PDE4D: variants seen among roughly 807,000 people sequenced by gnomAD.
The protein encoded by PDE4D is 3',5'-cyclic-AMP phosphodiesterase 4D.
In PDE4D, 24 loss-of-function variants were observed where a neutral mutation model predicts 87.4. That is an observed-to-expected ratio of 0.27 (90% confidence interval 0.20 to 0.39). PDE4D has a LOEUF of 0.39. Among genes scored for constraint, PDE4D ranks in the 10% least tolerant of loss-of-function variants. The probability of loss-of-function intolerance (pLI) is 1.00; values close to 1 mark genes in which losing one functional copy is unlikely to be tolerated. For missense variants in PDE4D, 714 were observed against 1,041.0 expected (o/e 0.69, Z 4.32); for synonymous variants, 384 against 383.2 (o/e 1.00, Z -0.02).
chr5:58,999,826 G>A, intron 6 of PDE4D: 1 of 991,680 alleles, frequency 1.0e-6, no homozygotes, highest in Non-Finnish European at 1.2e-6. Flanking sequence ...AAGATCTAAG[G>A]GTCTGCATCT....
At chr5:58,979,941 T>C (rs536744831) in intron 11 of PDE4D, among the ~76,000 whole-genome samples, 111 of 152,348 alleles carry the variant, frequency 7.3e-4, no homozygotes, top group African/African-American at 2.6e-3. Flanking sequence ...TGGCTTCCCC[T>C]AGGCACTTCA....
intron 2 of PDE4D, among the ~76,000 whole-genome samples, chr5:59,997,275 T>C (rs547260647): frequency 3.3e-5 from 5 of 152,288 alleles, no homozygotes; most frequent in Middle Eastern, 3.4e-3. Flanking sequence ...ACATTGTTTT[T>C]TTAGCAGCTA....
At chr5:59,762,683 T>A (rs1762266299) in intron 1 of PDE4D, among the ~76,000 whole-genome samples, 1 of 148,758 alleles carries the variant, frequency 6.7e-6, no homozygotes, top group Admixed American at 6.7e-5. Context: ...TGTATATGTG[T>A]ATATAGGTTC....
In PDE4D at chr5:59,612,232, G is replaced by GTTTTTTT. The variant is rs58203288; in HGVS notation, c.455+280929_455+280935dup. ...ATATTCTGATTCCTTGATTGACACT[G>GTTTTTTT]TTTTTTTTGTTTGTTTGTTTGTTTT... On this transcript the variant is annotated intron_variant, in intron 1 of 14. Transcript: ENST00000340635. Among the ~76,000 whole-genome samples the GTTTTTTT allele has an allele frequency of 2.5e-4, 13 of 52,814 alleles. No individual in the cohort carries two copies. The South Asian group carries it at 8.9e-3, about 36-fold the overall frequency. 34.6% of individuals were successfully genotyped at this position (52,814 alleles called of 152,430 possible). A position where few individuals can be genotyped will look rare whatever the true frequency, so the allele number is the denominator to read the frequency against.
At chr5:60,508,006 T>G (rs1750400146) in intron 1 of PDE4D, among the ~76,000 whole-genome samples, 1 of 152,190 alleles carries the variant, frequency 6.6e-6, no homozygotes, top group Non-Finnish European at 1.5e-5. Context: ...GGGAAAGGAT[T>G]CAGTTTCAGC....
chr5:59,630,909 C>T (rs932775856), intron 1 of PDE4D, among the ~76,000 whole-genome samples: 1 of 152,052 alleles, frequency 6.6e-6, no homozygotes, highest in African/African-American at 2.4e-5. Flanking sequence ...CTTAATATTC[C>T]TGACGCTCGG....
intron 1 of PDE4D, among the ~76,000 whole-genome samples, chr5:60,311,750 C>T (rs577632626): frequency 1.7e-4 from 26 of 152,212 alleles, no homozygotes; most frequent in African/African-American, 6.0e-4. Context: ...CTAAATGTCC[C>T]AATTAAAAGA....
intron 5 of PDE4D, among the ~76,000 whole-genome samples, chr5:59,109,954 G>C (rs1184241730): frequency 2.6e-5 from 4 of 152,294 alleles, no homozygotes; most frequent in East Asian, 3.9e-4. Context: ...CCCATGGAGA[G>C]AGGGAGCGCC....
At chr5:60,328,919 T>C (rs1346914359) in intron 1 of PDE4D, among the ~76,000 whole-genome samples, 2 of 152,210 alleles carry the variant, frequency 1.3e-5, no homozygotes, top group African/African-American at 4.8e-5. Flanking sequence ...GAAACATTCT[T>C]TGATGGGGAG....
chr5:60,330,052 A>T (rs1757181029), intron 1 of PDE4D, among the ~76,000 whole-genome samples: 1 of 151,978 alleles, frequency 6.6e-6, no homozygotes, highest in Non-Finnish European at 1.5e-5. Flanking sequence ...AAAAAAAGTC[A>T]CTCTGGGAGG....
chr5:60,112,985 C>T (rs77423082), intron 2 of PDE4D, among the ~76,000 whole-genome samples: 1,919 of 152,128 alleles, frequency 0.013, 49 homozygotes, highest in African/African-American at 0.044. Context: ...GGCATCCAAT[C>T]CAGGGAGATG....
intron 1 of PDE4D, among the ~76,000 whole-genome samples, chr5:59,397,448 A>G (rs1225873634): frequency 8.5e-6 from 1 of 117,122 alleles, no homozygotes; most frequent in Admixed American, 8.4e-5. Flanking sequence ...GCTCAACTAC[A>G]TGGAAACCGA....
intron 1 of PDE4D, among the ~76,000 whole-genome samples, chr5:60,401,531 C>T (rs1328296152): frequency 6.6e-6 from 1 of 152,170 alleles, no homozygotes; most frequent in Non-Finnish European, 1.5e-5. Context: ...CACGGCAAGC[C>T]CACGGGGCAG....
At chr5:60,005,541 GATTA>G (rs990060543) in intron 2 of PDE4D, among the ~76,000 whole-genome samples, 1 of 151,834 alleles carries the variant, frequency 6.6e-6, no homozygotes, top group African/African-American at 2.4e-5. Context: ...TGGATGCATT[GATTA>G]ATTTATTGTG....
At chr5:60,475,869 G>A (rs532358709) in intron 1 of PDE4D, among the ~76,000 whole-genome samples, 12 of 147,776 alleles carry the variant, frequency 8.1e-5, no homozygotes, top group South Asian at 2.2e-4. Context: ...ATCACATAGC[G>A]TTGCAGGGAA....
intron 5 of PDE4D, among the ~76,000 whole-genome samples, chr5:59,055,007 T>C (rs1378052513): frequency 2.6e-5 from 4 of 152,192 alleles, no homozygotes; most frequent in African/African-American, 7.2e-5. Context: ...TTCTCCATAA[T>C]GTGTGAGTTT....
chr5:59,651,571 C>T (rs928870269), intron 1 of PDE4D, among the ~76,000 whole-genome samples: 4 of 151,688 alleles, frequency 2.6e-5, no homozygotes, highest in Non-Finnish European at 5.9e-5. Flanking sequence ...GAAACTTTTC[C>T]GTGGAAAATA....
intron 1 of PDE4D, among the ~76,000 whole-genome samples, chr5:59,501,742 G>A (rs1808328164): frequency 2.6e-5 from 4 of 152,142 alleles, no homozygotes; most frequent in Admixed American, 2.6e-4. Flanking sequence ...GTGACTGATT[G>A]GAGACACTAC....
intron 1 of PDE4D, among the ~76,000 whole-genome samples, chr5:60,310,283 G>T (rs980547295): frequency 6.6e-6 from 1 of 152,102 alleles, no homozygotes; most frequent in African/African-American, 2.4e-5. Context: ...ACAGTATTAC[G>T]TTCTACAGTG....
Sources: allele counts gnomAD v4.1 joint callset (sites outside exome capture counted in the v4.1 genomes callset), GRCh38; gene constraint gnomAD v4.1.1; transcripts MANE v1.5; gene names NCBI Gene and HGNC (gene_info 2026-07-23, HGNC 2026-07-21).